The following UXS1 variants were observed in gnomAD, a reference collection of about 807,000 sequenced individuals.
UXS1 encodes the protein UDP-glucuronate decarboxylase 1, also known as UDP-glucuronic acid decarboxylase 1.
In UXS1, 33 loss-of-function variants were observed where a neutral mutation model predicts 62.6. The observed-to-expected ratio is 0.53, with a 90% CI of 0.40 to 0.70. UXS1 has a LOEUF of 0.70. UXS1 is among the 30% of genes least tolerant of loss of function. The pLI, the probability that UXS1 is intolerant of heterozygous loss-of-function variation, is 0.00. For missense variants in UXS1, 434 were observed against 556.3 expected (o/e 0.78, Z 2.21); for synonymous variants, 213 against 206.8 (o/e 1.03, Z -0.26).
chr2:106,165,402 A>G (rs1029814224), intron 2 of UXS1, among the ~76,000 whole-genome samples: 1 of 152,196 alleles, frequency 6.6e-6, no homozygotes, highest in African/African-American at 2.4e-5. Flanking sequence ...AATCATCACA[A>G]TAGTGATTCT....
intron 5 of UXS1, among the ~76,000 whole-genome samples, chr2:106,156,453 G>A (rs769839407): frequency 1.3e-4 from 20 of 152,146 alleles, no homozygotes; most frequent in South Asian, 1.0e-3. Context: ...GTACAATGGC[G>A]CAGCTGCTCT....
intron 6 of UXS1, among the ~76,000 whole-genome samples, chr2:106,133,953 A>C (rs1315859383): frequency 3.7e-5 from 5 of 135,326 alleles, no homozygotes; most frequent in African/African-American, 1.1e-4. Context: ...CCTTCAAAAA[A>C]TCAATGAATC....
intron 14 of UXS1, among the ~76,000 whole-genome samples, chr2:106,096,183 GGTGTGTGT>G (rs61524060): frequency 6.6e-6 from 1 of 151,700 alleles, no homozygotes. Context: ...CACAGTCAGG[GGTGTGTGT>G]GTGTGTGTGT....
chr2:106,146,649 A>G (rs543115422), intron 5 of UXS1, among the ~76,000 whole-genome samples: 3 of 151,790 alleles, frequency 2.0e-5, no homozygotes, highest in Admixed American at 1.3e-4. Context: ...GCGTGGTGGC[A>G]CACTCCTGTA....
intron 11 of UXS1, chr2:106,102,668 G>C (rs559784834): frequency 6.6e-6 from 1 of 152,082 alleles, no homozygotes; most frequent in African/African-American, 2.4e-5. Flanking sequence ...CTGTTGTTTC[G>C]AGGCAATCAT....
At chr2:106,130,521 A>G (rs1680360775) in intron 6 of UXS1, among the ~76,000 whole-genome samples, 2 of 152,220 alleles carry the variant, frequency 1.3e-5, no homozygotes, top group Admixed American at 1.3e-4. Flanking sequence ...CTTTTAGCCA[A>G]TGGTGAGGAA....
intron 6 of UXS1, among the ~76,000 whole-genome samples, chr2:106,136,887 A>C (rs1680678560): frequency 7.5e-6 from 1 of 132,752 alleles, no homozygotes; most frequent in Non-Finnish European, 1.6e-5. Flanking sequence ...CAATGTGCAC[A>C]TGTACCCTAA....
intron 1 of UXS1, among the ~76,000 whole-genome samples, chr2:106,177,559 G>A (rs1450125978): frequency 6.6e-6 from 1 of 152,166 alleles, no homozygotes; most frequent in Non-Finnish European, 1.5e-5. Context: ...GGGACACCAG[G>A]TAATACGACC....
chr2:106,106,163 G>A (rs932237277), intron 10 of UXS1, among the ~76,000 whole-genome samples: 18 of 152,122 alleles, frequency 1.2e-4, no homozygotes, highest in Admixed American at 5.2e-4. Flanking sequence ...TCGGGAGTTC[G>A]ACACCAGCCT....
At chr2:106,157,625 C>A (rs1682543318) in intron 5 of UXS1, among the ~76,000 whole-genome samples, 1 of 152,146 alleles carries the variant, frequency 6.6e-6, no homozygotes, top group African/African-American at 2.4e-5. Context: ...CTCCAAATAC[C>A]CATCAATTGA....
intron 1 of UXS1, among the ~76,000 whole-genome samples, chr2:106,177,906 C>T (rs1004884226): frequency 6.6e-6 from 1 of 152,200 alleles, no homozygotes; most frequent in African/African-American, 2.4e-5. Context: ...GTGTTGCTGA[C>T]GTGACCCAAA....
chr2:106,148,251 T>C (rs889313264), intron 5 of UXS1, among the ~76,000 whole-genome samples: 5 of 152,252 alleles, frequency 3.3e-5, no homozygotes, highest in African/African-American at 7.2e-5. Flanking sequence ...AGAAAAATAA[T>C]TGAAATTCAA....
intron 4 of UXS1, among the ~76,000 whole-genome samples, chr2:106,163,412 T>G (rs975768157): frequency 1.3e-5 from 2 of 152,254 alleles, no homozygotes; most frequent in African/African-American, 2.4e-5. Flanking sequence ...AAGGAAAATG[T>G]GAGGCCTGGC....
chr2:106,115,263 A>G (rs1678969975), intron 9 of UXS1, among the ~76,000 whole-genome samples: 1 of 152,224 alleles, frequency 6.6e-6, no homozygotes, highest in Non-Finnish European at 1.5e-5. Context: ...CTGAAAACCC[A>G]GGAAGTACAC....
chr2:106,139,978 G>T (rs1322974066), intron 6 of UXS1, among the ~76,000 whole-genome samples: 1 of 152,176 alleles, frequency 6.6e-6, no homozygotes, highest in Admixed American at 6.5e-5. Context: ...TCTCTGCAAT[G>T]TGAAGTCTCA....
intron 5 of UXS1, among the ~76,000 whole-genome samples, chr2:106,151,102 G>C (rs1681977930): frequency 6.6e-6 from 1 of 152,144 alleles, no homozygotes; most frequent in African/African-American, 2.4e-5. Flanking sequence ...AACTTGTTTT[G>C]ATTTCACAGG....
At position 106,194,195 on chromosome 2, in the gene UXS1, C is replaced by T; in HGVS notation, c.47G>A (p.Arg16Lys). 1 of 1,475,874 alleles carries T rather than the reference C, an allele frequency of 6.8e-7. No individual in the cohort carries two copies. 91.4% of individuals were successfully genotyped at this position (1,475,874 alleles called of 1,614,324 possible). The change falls in exon 1 of 15, where the codon AGG (arginine) becomes AAG (lysine). Residue 16 changes from arginine to lysine, a missense_variant. Transcript: ENST00000283148. ...GATGCCCAGCAGCAGCTTCATCCTC[C>T]TGCGGTTGACGGCAGACACGAGGCG... ...LLRLVSAVNRRRMKLLLGIAL... is the reference protein window; with the variant it reads ...LLRLVSAVNRKRMKLLLGIAL...
intron 11 of UXS1, chr2:106,102,514 A>C (rs1677677022): frequency 6.6e-6 from 1 of 152,206 alleles, no homozygotes; most frequent in Admixed American, 6.5e-5. Flanking sequence ...AGCTCTTTAC[A>C]AGTGTCATTT....
At chr2:106,127,026 G>A (rs1680015357) in intron 7 of UXS1, among the ~76,000 whole-genome samples, 1 of 152,144 alleles carries the variant, frequency 6.6e-6, no homozygotes, top group African/African-American at 2.4e-5. Flanking sequence ...TTTTTTCATG[G>A]AGCATATTTC....
Sources: allele counts gnomAD v4.1 joint callset (sites outside exome capture counted in the v4.1 genomes callset), GRCh38; gene constraint gnomAD v4.1.1; transcripts MANE v1.5; gene names NCBI Gene and HGNC (gene_info 2026-07-23, HGNC 2026-07-21).